Variants in UBE2D2 observed in about 807,000 individuals in gnomAD.
UBE2D2 encodes the protein ubiquitin-conjugating enzyme E2 D2.
UBE2D2 carries 2 observed loss-of-function variants against 24.2 expected under a neutral mutation model. That is an observed-to-expected ratio of 0.08 (90% CI 0.03 to 0.26). The LOEUF (loss-of-function observed/expected upper bound fraction) is 0.26. Among genes scored for constraint, UBE2D2 ranks in the 10% least tolerant of loss-of-function variants. The probability of loss-of-function intolerance (pLI) is 1.00; values close to 1 mark genes in which losing one functional copy is unlikely to be tolerated. For synonymous variants in UBE2D2, 58 were observed against 56.5 expected (o/e 1.03, Z -0.12); for missense variants, 44 against 177.6 (o/e 0.25, Z 4.28).
chr5:139,550,247 T>G (rs965474470), intron 1 of UBE2D2, among the ~76,000 whole-genome samples: 1 of 152,186 alleles, frequency 6.6e-6, no homozygotes, highest in South Asian at 2.1e-4. Context: ...AGCTCAAGGT[T>G]TGTAAATGCA....
intron 1 of UBE2D2, among the ~76,000 whole-genome samples, chr5:139,547,257 C>G (rs1285851437): frequency 2.0e-5 from 3 of 151,990 alleles, no homozygotes; most frequent in Admixed American, 2.0e-4. Context: ...CACCACTGCA[C>G]TCCAGCCTGG....
At chr5:139,562,165 G>T in intron 1 of UBE2D2, 1 of 1,335,926 alleles carries the variant, frequency 7.5e-7, no homozygotes, top group Admixed American at 2.6e-5. Flanking sequence ...GGGGCGCTGG[G>T]GCGTTGGGCG....
chr5:139,572,064 C>G (rs1348586772), intron 1 of UBE2D2, among the ~76,000 whole-genome samples: 2 of 152,126 alleles, frequency 1.3e-5, no homozygotes, highest in Admixed American at 6.6e-5. Context: ...ATTCACTGTT[C>G]TGGAACTATT....
chr5:139,574,191 G>C (rs1051372824), intron 1 of UBE2D2, among the ~76,000 whole-genome samples: 7 of 144,532 alleles, frequency 4.8e-5, no homozygotes, highest in Non-Finnish European at 7.5e-5. Flanking sequence ...TGAGTCAGGA[G>C]AATTGCTTGA....
intron 1 of UBE2D2, among the ~76,000 whole-genome samples, chr5:139,588,163 G>A (rs925742733): frequency 2.0e-5 from 3 of 151,768 alleles, no homozygotes; most frequent in Non-Finnish European, 4.4e-5. Context: ...GAGTCTTGCT[G>A]TGTTGCCTAG....
Position 139,626,746 on chromosome 5 carries a change from G to A in UBE2D2, c.399-10G>A, listed in dbSNP as rs1754638385. 1.2e-6 allele frequency: 2 copies of A among 1,613,236 alleles called. No homozygotes were observed. The highest frequency in any genetic ancestry group is 1.7e-6 in the Non-Finnish European group (2 of 1,179,478). ...CCTATGTTAAGCCAAGCTTCTCTTTGTGTGTACAGGTACAACAGAATAGCT... is the reference window on the plus strand; with the variant it reads ...CCTATGTTAAGCCAAGCTTCTCTTTATGTGTACAGGTACAACAGAATAGCT... On this transcript the variant is annotated splice_polypyrimidine_tract_variant and intron_variant, in intron 6 of 6. Transcript: ENST00000398733.
rs950945671 is a variant in UBE2D2 at position 139,566,867 on chromosome 5, CA to C, written c.24+5062del. On this transcript the variant is annotated intron_variant, in intron 1 of 6. Coordinates refer to ENST00000398733, the MANE Select transcript of UBE2D2 (RefSeq NM_003339.3). ...GCCCAGTGTTGCAATATCTTCCATT[CA>C]AAAAAAAAAGAGAAGCCACAAATCC... Among the ~76,000 whole-genome samples, 636 of 138,416 alleles carry C rather than the reference CA, an allele frequency of 4.6e-3. 1 individual carries two copies. The highest frequency in any genetic ancestry group is 0.015 in the African/African-American group (564 of 37,604). The allele number at this position is 138,416 out of a possible 152,430, so 90.8% of individuals were successfully genotyped here.
At chr5:139,560,029 A>C (rs1033684420), upstream of UBE2D2, among the ~76,000 whole-genome samples, 6 of 144,410 alleles carry the variant, frequency 4.2e-5, no homozygotes, top group Admixed American at 7.0e-5. Flanking sequence ...CTGGAGCACG[A>C]GGTTGGTTTT....
chr5:139,586,776 G>T (rs58794957), intron 1 of UBE2D2, among the ~76,000 whole-genome samples: 1 of 151,720 alleles, frequency 6.6e-6, no homozygotes, highest in South Asian at 2.1e-4. Context: ...AAAAAAAAAA[G>T]AATTTTCTTT....
chr5:139,604,543 A>G (rs1171066207), intron 2 of UBE2D2, among the ~76,000 whole-genome samples: 1 of 152,342 alleles, frequency 6.6e-6, no homozygotes, highest in Middle Eastern at 3.4e-3. Context: ...TAAGCACACG[A>G]AAAGATGCTC....
rs1468289178 is a variant in UBE2D2, at chr5:139,602,482, GC to G, written c.88+2049del. ...ACTTGAGCCCAGGAGTGCGAGACCA[GC>G]CTGGGCAACATGGTGAAACCCTCTC... On this transcript the variant is annotated intron_variant, in intron 2 of 6. Coordinates refer to ENST00000398733, the MANE Select transcript of UBE2D2 (RefSeq NM_003339.3). Among the ~76,000 whole-genome samples the G allele has an allele frequency of 3.9e-5, 6 of 152,280 alleles. No homozygotes were observed. In the East Asian group the frequency reaches 1.2e-3, roughly 29 times the overall value.
intron 1 of UBE2D2, among the ~76,000 whole-genome samples, chr5:139,543,519 G>T (rs558642177): frequency 6.6e-6 from 1 of 152,304 alleles, no homozygotes; most frequent in Non-Finnish European, 1.5e-5. Context: ...GTTGGTCCTG[G>T]CCTTACCCCG....
At chr5:139,593,593 CAT>C (rs1308608173) in intron 1 of UBE2D2, among the ~76,000 whole-genome samples, 7 of 151,910 alleles carry the variant, frequency 4.6e-5, no homozygotes, top group African/African-American at 1.7e-4. Flanking sequence ...ACATATGTAA[CAT>C]GTAACATTAA....
intron 1 of UBE2D2, among the ~76,000 whole-genome samples, chr5:139,563,606 A>G (rs568873634): frequency 2.6e-4 from 39 of 152,312 alleles, no homozygotes; most frequent in African/African-American, 9.4e-4. Context: ...AGAAAGAGCA[A>G]GTGGGTATAA....
intron 1 of UBE2D2, among the ~76,000 whole-genome samples, chr5:139,580,098 A>G (rs2126664241): frequency 6.6e-6 from 1 of 151,918 alleles, no homozygotes; most frequent in African/African-American, 2.4e-5. Context: ...CTGTAATCTT[A>G]GTACTTTTTT....
chr5:139,558,506 T>G (rs899312530), upstream of UBE2D2, among the ~76,000 whole-genome samples: 2 of 152,168 alleles, frequency 1.3e-5, no homozygotes, highest in Non-Finnish European at 2.9e-5. Context: ...GCCTGGATGG[T>G]CTTGATCTCC....
intron 1 of UBE2D2, among the ~76,000 whole-genome samples, chr5:139,548,119 G>C (rs1163540437): frequency 3.1e-5 from 4 of 127,680 alleles, no homozygotes; most frequent in Admixed American, 1.9e-4. Flanking sequence ...AGCTACAATT[G>C]CACCACTGCA....
intron 2 of UBE2D2, among the ~76,000 whole-genome samples, chr5:139,602,908 A>G (rs1180499959): frequency 6.6e-6 from 1 of 152,236 alleles, no homozygotes; most frequent in Non-Finnish European, 1.5e-5. Flanking sequence ...AGGCAGGCTA[A>G]GTACTTAAAC....
At chr5:139,608,590 A>C (rs1745634570) in intron 2 of UBE2D2, among the ~76,000 whole-genome samples, 1 of 151,834 alleles carries the variant, frequency 6.6e-6, no homozygotes. Context: ...CCCCGTCTCT[A>C]TTTTAAAAAA....
Sources: allele counts gnomAD v4.1 joint callset (sites outside exome capture counted in the v4.1 genomes callset), GRCh38; gene constraint gnomAD v4.1.1; transcripts MANE v1.5; gene names NCBI Gene and HGNC (gene_info 2026-07-23, HGNC 2026-07-21).